Variants in GBE1 observed in about 807,000 individuals in gnomAD.
The protein encoded by GBE1 is 1,4-alpha-glucan-branching enzyme.
GBE1 carries 70 observed loss-of-function variants against 88.8 expected under a neutral mutation model. The ratio of observed to expected loss-of-function variants is 0.79; its 90% CI spans 0.65 to 0.96. The LOEUF is 0.96. Among genes scored for constraint, GBE1 ranks in the 40% least tolerant of loss-of-function variants. The pLI, the probability that GBE1 is intolerant of heterozygous loss-of-function variation, is 0.00. For missense variants in GBE1, 872 were observed against 871.0 expected (o/e 1.00, Z -0.01); for synonymous variants, 284 against 300.1 (o/e 0.95, Z 0.56).
chr3:81,596,301 T>C lies in GBE1; in HGVS notation c.993-2278A>G, dbSNP rs928019716. Among the ~76,000 whole-genome samples the C allele has an allele frequency of 4.6e-5, 7 of 152,052 alleles. No homozygotes were observed. In the East Asian group the frequency reaches 9.6e-4, roughly 21 times the overall value. ...CTAAGTCAATTTTCTTTTTTTTTTA[T>C]TATACTTTAAGTTTTAGGGTACATG... is the stretch of plus-strand genomic sequence containing the variant. On this transcript the variant is annotated intron_variant, in intron 7 of 15. Transcript: ENST00000429644.
At chr3:81,647,664 T>A (rs1044727824) in intron 5 of GBE1, among the ~76,000 whole-genome samples, 1 of 152,154 alleles carries the variant, frequency 6.6e-6, no homozygotes, top group Non-Finnish European at 1.5e-5. Flanking sequence ...CAAAGTCCAA[T>A]TCATATAAGC....
Position 81,581,232 on chromosome 3 carries a change from A to G in GBE1, c.1379T>C (p.Ile460Thr), listed in dbSNP as rs1703726212. The change falls in exon 11 of 16, where the codon ATA becomes ACA. Residue 460 changes from isoleucine (I) to threonine (T), a missense_variant. Ile to Thr is a moderately conservative substitution (Grantham distance 89, BLOSUM62 -1). Transcript: ENST00000429644. ...FKDEDWNMGD[I>T]VYTLTNRRYL... ...GCGCCTGTTTGTGAGCGTGTATACT[A>G]TATCGCCCATGTTCCAGTCTTCATC... 2 of 1,603,632 alleles carry G rather than the reference A, an allele frequency of 1.2e-6. No homozygotes were observed. Among genetic ancestry groups the G allele is most frequent in the Non-Finnish European group, 1.7e-6 (2 of 1,175,956 alleles).
chr3:81,643,042 C>G (rs1704710112), intron 6 of GBE1, 52 bp from the exon 7 acceptor site: 1 of 1,215,256 alleles, frequency 8.2e-7, no homozygotes, highest in South Asian at 1.3e-5. Flanking sequence ...TTAGAGGAAA[C>G]AGCCGATTGT....
At chr3:81,675,803 A>T (rs1576195414) in intron 2 of GBE1, among the ~76,000 whole-genome samples, 4 of 152,080 alleles carry the variant, frequency 2.6e-5, no homozygotes, top group Admixed American at 2.6e-4. Flanking sequence ...CTATACGCAT[A>T]AATTATTTTA....
intron 15 of GBE1, among the ~76,000 whole-genome samples, chr3:81,498,185 C>A (rs1702542214): frequency 6.6e-6 from 1 of 152,070 alleles, no homozygotes; most frequent in Admixed American, 6.6e-5. Flanking sequence ...TGGCATATCA[C>A]TTTTATATAT....
chr3:81,616,878 T>G (rs1387306474), intron 7 of GBE1, among the ~76,000 whole-genome samples: 1 of 152,064 alleles, frequency 6.6e-6, no homozygotes, highest in African/African-American at 2.4e-5. Context: ...TGTTTTATAG[T>G]TTTCATTATA....
At chr3:81,599,215 C>A (rs866114934) in intron 7 of GBE1, among the ~76,000 whole-genome samples, 3 of 152,142 alleles carry the variant, frequency 2.0e-5, no homozygotes, top group Middle Eastern at 3.4e-3. Flanking sequence ...TCTAATTTAA[C>A]CTGCATTCTT....
intron 3 of GBE1, among the ~76,000 whole-genome samples, chr3:81,658,503 C>T (rs750334551): frequency 6.6e-6 from 1 of 152,078 alleles, no homozygotes; most frequent in African/African-American, 2.4e-5. Context: ...AAATAAAGGT[C>T]AGTAGTCACT....
intron 8 of GBE1, 66 bp from the exon 9 acceptor site, chr3:81,591,230 C>T: frequency 1.6e-6 from 2 of 1,212,524 alleles, no homozygotes; most frequent in South Asian, 1.7e-5. Flanking sequence ...TGCACAAATA[C>T]ATTCACCAAT....
intron 7 of GBE1, among the ~76,000 whole-genome samples, chr3:81,602,781 A>C (rs1425024371): frequency 1.5e-4 from 23 of 152,002 alleles, no homozygotes. Context: ...TGTGTGACTG[A>C]CTCCCTACAT....
rs545761890 is a variant in GBE1, at chr3:81,587,337, G to T, written c.1237-1147C>A. 6.6e-5 allele frequency among the ~76,000 whole-genome samples: 10 copies of T among 152,156 alleles called. No homozygotes were observed. In the East Asian group the frequency reaches 1.7e-3, roughly 27 times the overall value. On this transcript the variant is annotated intron_variant, in intron 9 of 15. Transcript: ENST00000429644. ...TAATTCCACAATATCTTTCAAATAAGTTACTTTCCTTTGCTCCATTACCAC... is the reference window on the plus strand; with the variant it reads ...TAATTCCACAATATCTTTCAAATAATTTACTTTCCTTTGCTCCATTACCAC...
intron 3 of GBE1, among the ~76,000 whole-genome samples, chr3:81,660,566 T>C (rs1427306624): frequency 6.6e-6 from 1 of 152,118 alleles, no homozygotes; most frequent in African/African-American, 2.4e-5. Context: ...ATTCGTAAGA[T>C]GAGACGCAGT....
chr3:81,757,691 T>C (rs984169551), intron 1 of GBE1, among the ~76,000 whole-genome samples: 8 of 152,202 alleles, frequency 5.3e-5, no homozygotes, highest in Non-Finnish European at 1.0e-4. Context: ...TGCGATTGGG[T>C]TGACAGGGAC....
At chr3:81,598,306 T>C (rs1321399217) in intron 7 of GBE1, among the ~76,000 whole-genome samples, 1 of 151,984 alleles carries the variant, frequency 6.6e-6, no homozygotes, top group African/African-American at 2.4e-5. Flanking sequence ...TATTAAACAG[T>C]ACATCATAAA....
intron 12 of GBE1, among the ~76,000 whole-genome samples, chr3:81,542,203 T>C (rs554208773): frequency 2.6e-5 from 4 of 152,238 alleles, no homozygotes; most frequent in Admixed American, 1.3e-4. Flanking sequence ...TGCATATCAA[T>C]AGGTATGCAT....
chr3:81,688,851 A>G (rs1705479746), intron 2 of GBE1, among the ~76,000 whole-genome samples: 1 of 151,564 alleles, frequency 6.6e-6, no homozygotes, highest in Non-Finnish European at 1.5e-5. Flanking sequence ...TACTATATAT[A>G]TTTAATGCTA....
At chr3:81,721,201 T>TA (rs1231652572) in intron 1 of GBE1, among the ~76,000 whole-genome samples, 499 of 32,164 alleles carry the variant, frequency 0.016, 6 homozygotes, top group African/African-American at 0.035. Context: ...TAGAGTATAA[T>TA]AAAAAATAAA....
At chr3:81,545,339 A>T (rs1703192727) in intron 12 of GBE1, among the ~76,000 whole-genome samples, 1 of 152,188 alleles carries the variant, frequency 6.6e-6, no homozygotes, top group African/African-American at 2.4e-5. Context: ...AGCAAGCTCC[A>T]GTGCACTGTA....
intron 12 of GBE1, among the ~76,000 whole-genome samples, chr3:81,555,719 C>G (rs965590479): frequency 6.6e-6 from 1 of 152,138 alleles, no homozygotes; most frequent in Non-Finnish European, 1.5e-5. Context: ...CTTTGACTTG[C>G]AAAGCCTGAT....
Sources: gnomAD v4.1 joint callset for allele counts (sites outside exome capture counted in the v4.1 genomes callset) on GRCh38, gnomAD v4.1.1 for gene constraint, MANE v1.5 for transcripts, NCBI Gene and HGNC (gene_info 2026-07-23, HGNC 2026-07-21) for gene names.